EFCAB3: variants seen among roughly 807,000 people sequenced by gnomAD.
EFCAB3 encodes the protein EF-hand calcium binding domain 3, also known as EF-hand calcium-binding domain-containing protein 3.
EFCAB3 carries 36 observed loss-of-function variants against 42.2 expected under a neutral mutation model. The ratio of observed to expected loss-of-function variants is 0.85; its 90% CI spans 0.65 to 1.13. The LOEUF is 1.13. Among genes scored for constraint, EFCAB3 ranks in the 50% most tolerant of loss-of-function variants. The pLI, the probability that EFCAB3 is intolerant of heterozygous loss-of-function variation, is 0.00. For missense variants in EFCAB3, 418 were observed against 505.1 expected, an observed-to-expected ratio of 0.83 and a Z score of 1.65; for synonymous variants, 170 against 172.8, an observed-to-expected ratio of 0.98 and a Z score of 0.13.
Position 62,406,583 on chromosome 17 carries a change from C to T in EFCAB3, c.592C>T (p.Pro198Ser), listed in dbSNP as rs755439197. 1.9e-6 allele frequency: 3 copies of T among 1,614,042 alleles called. No homozygotes were observed. In the Admixed American group the frequency reaches 5.0e-5, roughly 27 times the overall value. The change falls in exon 7 of 10, where the codon CCA becomes TCA. Residue 198 changes from proline to serine, a missense_variant. Transcript: ENST00000305286. Reference protein sequence around the residue: ...RTLKPDICTPPSSSMAAFANA... With the variant: ...RTLKPDICTPSSSSMAAFANA... ...ACTTAAGCCAGACATATGCACACCTCCAAGCTCAAGCATGGCTGCCTTTGC... is the reference window on the plus strand; with the variant it reads ...ACTTAAGCCAGACATATGCACACCTTCAAGCTCAAGCATGGCTGCCTTTGC...
In EFCAB3 at chr17:62,391,878, C is replaced by T; in HGVS notation, c.208C>T (p.His70Tyr). ...YKDKTGCIDF[H>Y]GLMCTVAKLG... ...GGACAAAACTGGCTGTATTGATTTC[C>T]ATGGACTGATGTGCACTGTAGCTAA... is the stretch of plus-strand genomic sequence containing the variant. The change falls in exon 4 of 10, where the codon CAT becomes TAT. Residue 70 changes from histidine to tyrosine, a missense_variant. Transcript: ENST00000305286. 1.2e-6 allele frequency: 2 copies of T among 1,613,858 alleles called. No individual in the cohort carries two copies. The highest frequency in any genetic ancestry group is 1.7e-6 in the Non-Finnish European group (2 of 1,179,892).
chr17:62,404,934 G>A (rs2070435923), intron 6 of EFCAB3, among the ~76,000 whole-genome samples: 1 of 152,158 alleles, frequency 6.6e-6, no homozygotes, highest in Non-Finnish European at 1.5e-5. Flanking sequence ...AGAATTTCAA[G>A]GAAGAAAGGA....
intron 2 of EFCAB3, among the ~76,000 whole-genome samples, chr17:62,384,502 C>G (rs547055644): frequency 6.6e-6 from 1 of 152,106 alleles, no homozygotes; most frequent in Non-Finnish European, 1.5e-5. Flanking sequence ...GTAGTCCCAG[C>G]TACTCAAGGG....
intron 6 of EFCAB3, among the ~76,000 whole-genome samples, chr17:62,400,539 C>T (rs1188222101): frequency 6.6e-6 from 1 of 152,174 alleles, no homozygotes; most frequent in Non-Finnish European, 1.5e-5. Context: ...TTATCCATGT[C>T]CCTACAAAGG....
At chr17:62,373,595 G>A (rs2144044288) in intron 1 of EFCAB3, among the ~76,000 whole-genome samples, 1 of 152,322 alleles carries the variant, frequency 6.6e-6, no homozygotes, top group Middle Eastern at 3.4e-3. Context: ...ACTCCAGCCT[G>A]AAGGACAGAG....
intron 6 of EFCAB3, among the ~76,000 whole-genome samples, chr17:62,403,234 T>C (rs982229207): frequency 6.6e-6 from 1 of 152,170 alleles, no homozygotes; most frequent in African/African-American, 2.4e-5. Context: ...TAATCCCCAG[T>C]TGTCACTGCT....
upstream of EFCAB3, among the ~76,000 whole-genome samples, chr17:62,378,818 C>T (rs1244368838): frequency 6.6e-6 from 1 of 151,828 alleles, no homozygotes; most frequent in Admixed American, 6.6e-5. Context: ...AGAAATACCT[C>T]ATGTAGATTA....
At chr17:62,398,086 C>A in intron 6 of EFCAB3, 1 of 317,938 alleles carries the variant, frequency 3.1e-6, no homozygotes, top group Non-Finnish European at 6.0e-6. Flanking sequence ...TGTCAAAGTG[C>A]CCAATGTCTC....
chr17:62,389,724 T>A (rs866954573), intron 3 of EFCAB3, among the ~76,000 whole-genome samples: 6 of 152,188 alleles, frequency 3.9e-5, no homozygotes, highest in Non-Finnish European at 8.8e-5. Flanking sequence ...GCAATAAAAA[T>A]TAATAATATA....
At chr17:62,405,499 T>G (rs574824518) in intron 6 of EFCAB3, among the ~76,000 whole-genome samples, 8 of 152,216 alleles carry the variant, frequency 5.3e-5, no homozygotes, top group Non-Finnish European at 1.2e-4. Context: ...CAGCATGAAG[T>G]GATGCTCTTC....
intron 2 of EFCAB3, chr17:62,373,874 G>A (rs1210383272): frequency 1.5e-6 from 2 of 1,366,154 alleles, no homozygotes; most frequent in Non-Finnish European, 2.0e-6. Flanking sequence ...AAACGTAAGT[G>A]AAAATTTATT....
At chr17:62,376,183 T>C (rs2070149188), upstream of EFCAB3, among the ~76,000 whole-genome samples, 1 of 152,152 alleles carries the variant, frequency 6.6e-6, no homozygotes, top group African/African-American at 2.4e-5. Context: ...ACTTATAAAG[T>C]TTTCTTTGGC....
In EFCAB3 at chr17:62,384,328, C is replaced by T. The variant is rs930926879; in HGVS notation, c.74+1275C>T. Among the ~76,000 whole-genome samples, 40 of 152,160 alleles carry T rather than the reference C, an allele frequency of 2.6e-4. 1 individual carries two copies. Among genetic ancestry groups the T allele is most frequent in the Non-Finnish European group, 1.5e-5 (1 of 68,028 alleles). Reference sequence around the variant, plus strand: ...TGTGCCAAGAGTGTCTTTTTAAAGACAGATAATAAGAACTTTACATTGCCT... The same window carrying T: ...TGTGCCAAGAGTGTCTTTTTAAAGATAGATAATAAGAACTTTACATTGCCT... On this transcript the variant is annotated intron_variant, in intron 2 of 9. Transcript: ENST00000305286.
At position 62,401,074 on chromosome 17, in the gene EFCAB3, C is replaced by A. The variant is rs1489667729; in HGVS notation, c.489-5406C>A. ...CATTTTTTCATGTGTCTGTTGGCTG[C>A]ATAAATGTCTTCTTTTGAGAAGTAT... is the stretch of plus-strand genomic sequence containing the variant. On this transcript the variant is annotated intron_variant, in intron 6 of 9. Transcript: ENST00000305286. Among the ~76,000 whole-genome samples, 8 of 152,190 alleles carry A rather than the reference C, an allele frequency of 5.3e-5. No homozygotes were observed. In the East Asian group the frequency reaches 1.5e-3, roughly 29 times the overall value.
chr17:62,380,908 T>C (rs929123091), intron 1 of EFCAB3: 3 of 152,218 alleles, frequency 2.0e-5, no homozygotes, highest in African/African-American at 7.2e-5. Flanking sequence ...GAGACTTTTT[T>C]TCCTCATGGT....
rs1403152028 is a variant in EFCAB3, at chr17:62,394,332, G to C, written c.367+688G>C. Among the ~76,000 whole-genome samples the C allele has an allele frequency of 5.9e-5, 9 of 152,170 alleles. No homozygotes were observed. The South Asian group carries it at 1.9e-3, about 32-fold the overall frequency. The stretch of plus-strand genomic sequence containing the variant: ...TTATTTAAAAAAAATTTATGTTTCA[G>C]AAAAAGAAAAATGTACTCTCTCATG... On this transcript the variant is annotated intron_variant, in intron 5 of 9. Coordinates refer to ENST00000305286, the MANE Select transcript of EFCAB3 (RefSeq NM_173503.4).
chr17:62,386,399 C>T (rs1213206557), intron 2 of EFCAB3, among the ~76,000 whole-genome samples: 1 of 151,988 alleles, frequency 6.6e-6, no homozygotes, highest in Admixed American at 6.6e-5. Context: ...TTATTTCACT[C>T]TCTTATACAC....
At chr17:62,391,793 T>C (rs772157958) in intron 3 of EFCAB3, 29 bp from the exon 4 acceptor site, 1 of 1,610,934 alleles carries the variant, frequency 6.2e-7, no homozygotes, top group South Asian at 1.1e-5. Flanking sequence ...TGAACAACTG[T>C]CCTGAATAAC....
rs766872850 is a variant in EFCAB3 at position 62,391,867 on chromosome 17, G to A, written c.197G>A (p.Cys66Tyr). ...YNFFYKDKTG[C>Y]IDFHGLMCTV... ...TTCTTCTACAAGGACAAAACTGGCT[G>A]TATTGATTTCCATGGACTGATGTGC... Residue 66 changes from cysteine (C) to tyrosine (Y), a missense_variant, in exon 4 of 10, where the codon TGT (cysteine) becomes TAT (tyrosine). Physicochemically the swap from Cys to Tyr is radical, Grantham distance 194. Transcript: ENST00000305286. 1 of 1,613,734 alleles carries A rather than the reference G, an allele frequency of 6.2e-7. No individual in the cohort carries two copies. The highest frequency in any genetic ancestry group is 8.5e-7 in the Non-Finnish European group (1 of 1,179,816).
Sources: allele counts gnomAD v4.1 joint callset (sites outside exome capture counted in the v4.1 genomes callset), GRCh38; gene constraint gnomAD v4.1.1; transcripts MANE v1.5; gene names NCBI Gene and HGNC (gene_info 2026-07-23, HGNC 2026-07-21).